The following STXBP6 variants were observed in gnomAD, a reference collection of about 807,000 sequenced individuals.
The protein encoded by STXBP6 is syntaxin binding protein 6.
Under a neutral mutation model 26.9 loss-of-function variants are expected in STXBP6, and 21 were observed. The observed-to-expected ratio is 0.78, with a 90% CI of 0.55 to 1.12. The LOEUF is 1.12. Ranked by LOEUF, STXBP6 falls within the 50% of genes most tolerant of loss-of-function variation. STXBP6 has a pLI of 0.00. For missense variants in STXBP6, 232 were observed against 257.9 expected (o/e 0.90, Z 0.69); for synonymous variants, 97 against 92.6 (o/e 1.05, Z -0.27).
intron 2 of STXBP6, among the ~76,000 whole-genome samples, chr14:24,967,487 T>C (rs1418812238): frequency 1.3e-5 from 2 of 152,244 alleles, no homozygotes; most frequent in Non-Finnish European, 2.9e-5. Context: ...GTTTTACAAA[T>C]GCTTTAATCA....
chr14:24,838,075 T>G (rs1373105507), intron 4 of STXBP6, among the ~76,000 whole-genome samples: 1 of 152,212 alleles, frequency 6.6e-6, no homozygotes, highest in East Asian at 1.9e-4. Flanking sequence ...CTCAGTTGCT[T>G]AGGCTGGAGT....
chr14:24,838,655 GC>G (rs753311935), intron 4 of STXBP6, among the ~76,000 whole-genome samples: 105 of 151,992 alleles, frequency 6.9e-4, no homozygotes, highest in Middle Eastern at 3.4e-3. Flanking sequence ...CTGCACTCCA[GC>G]CTGGGTGACA....
intron 2 of STXBP6, among the ~76,000 whole-genome samples, chr14:24,910,782 G>A (rs950779580): frequency 2.0e-5 from 3 of 152,078 alleles, no homozygotes; most frequent in African/African-American, 7.2e-5. Flanking sequence ...CCACTACCAC[G>A]CAGAATTGCT....
In STXBP6 at chr14:24,819,166, G is replaced by C. The variant is rs774077268; in HGVS notation, c.480C>G (p.Asp160Glu). Residue 160 changes from aspartate (D) to glutamate (E), a missense_variant, in exon 5 of 6, where the codon GAC becomes GAG. Asp to Glu is a conservative substitution (Grantham distance 45, BLOSUM62 2). Transcript: ENST00000323944. ...CCTTCTGCACTGCGCTGGTCACGCT[G>C]TCAGCAGCTGAATGGAGGATGCTGT... ...GGNSILHSAA[D>E]SVTSAVQKAS... is the part of the protein sequence containing the mutation. 1.2e-6 allele frequency: 2 copies of C among 1,614,150 alleles called. No homozygotes were observed.
At position 24,964,394 on chromosome 14, in the gene STXBP6, G is replaced by A. The variant is rs180743346; in HGVS notation, c.154+10271C>T. Among the ~76,000 whole-genome samples the A allele has an allele frequency of 7.2e-5, 11 of 152,260 alleles. No individual in the cohort carries two copies. In the East Asian group the frequency reaches 2.1e-3, roughly 29 times the overall value. On this transcript the variant is annotated intron_variant, in intron 2 of 5. Coordinates refer to ENST00000323944, the MANE Select transcript of STXBP6 (RefSeq NM_001394410.1). ...ACAGCTTGGCAACCTCACTGTGCTT[G>A]TGGCTAATAGTTTCTTCTGGAAAAT...
chr14:24,975,142 A>G (rs1421844204), intron 1 of STXBP6, among the ~76,000 whole-genome samples: 1 of 152,184 alleles, frequency 6.6e-6, no homozygotes, highest in Non-Finnish European at 1.5e-5. Flanking sequence ...TACTACCCCA[A>G]CTGCACCTCC....
chr14:24,854,502 T>A (rs2069258956), intron 4 of STXBP6, among the ~76,000 whole-genome samples: 1 of 152,082 alleles, frequency 6.6e-6, no homozygotes, highest in South Asian at 2.1e-4. Context: ...CATATGGACA[T>A]GGATGAGAAA....
At chr14:25,035,109 C>T (rs1193217580) in intron 1 of STXBP6, among the ~76,000 whole-genome samples, 1 of 151,282 alleles carries the variant, frequency 6.6e-6, no homozygotes, top group African/African-American at 2.4e-5. Flanking sequence ...CAAGATCGCA[C>T]CATTGCACTC....
At chr14:24,933,876 C>A (rs1281627692) in intron 2 of STXBP6, among the ~76,000 whole-genome samples, 1 of 152,056 alleles carries the variant, frequency 6.6e-6, no homozygotes, top group Non-Finnish European at 1.5e-5. Flanking sequence ...AGAAAACTTA[C>A]TTCTATGTAA....
chr14:24,814,146 G>A (rs1298273489), intron 5 of STXBP6, among the ~76,000 whole-genome samples: 1 of 152,192 alleles, frequency 6.6e-6, no homozygotes, highest in Non-Finnish European at 1.5e-5. Context: ...GTCCTGCTGA[G>A]TGATGTGGGT....
At chr14:24,994,357 TC>T (rs1354073509) in intron 1 of STXBP6, among the ~76,000 whole-genome samples, 2 of 152,172 alleles carry the variant, frequency 1.3e-5, no homozygotes, top group Non-Finnish European at 2.9e-5. Context: ...TTGATAAGGC[TC>T]TCAGGGTCCT....
chr14:24,959,024 A>G (rs907207736), intron 2 of STXBP6, among the ~76,000 whole-genome samples: 1 of 152,188 alleles, frequency 6.6e-6, no homozygotes, highest in Non-Finnish European at 1.5e-5. Flanking sequence ...CCCAGTTATA[A>G]TTATCCAGGA....
chr14:24,870,038 C>T (rs537153021), intron 2 of STXBP6, among the ~76,000 whole-genome samples: 1 of 152,172 alleles, frequency 6.6e-6, no homozygotes, highest in African/African-American at 2.4e-5. Flanking sequence ...ACAGGAACAA[C>T]CATTATGTAT....
At chr14:24,827,862 T>G (rs1185395991) in intron 4 of STXBP6, among the ~76,000 whole-genome samples, 1 of 152,100 alleles carries the variant, frequency 6.6e-6, no homozygotes, top group Non-Finnish European at 1.5e-5. Flanking sequence ...TATCTACTGC[T>G]TCACTGTTTC....
chr14:24,905,921 C>T (rs1429249658), intron 2 of STXBP6, among the ~76,000 whole-genome samples: 1 of 152,010 alleles, frequency 6.6e-6, no homozygotes, highest in Non-Finnish European at 1.5e-5. Flanking sequence ...TTGTGGGCCA[C>T]AGAAATCATC....
intron 1 of STXBP6, chr14:24,987,746 G>T: frequency 1.3e-6 from 1 of 750,588 alleles, no homozygotes; most frequent in African/African-American, 1.9e-5. Context: ...AATGGCAAGA[G>T]CCAAGTCAAG....
chr14:25,006,665 T>C (rs543697357), intron 1 of STXBP6, among the ~76,000 whole-genome samples: 1 of 152,004 alleles, frequency 6.6e-6, no homozygotes, highest in South Asian at 2.1e-4. Flanking sequence ...TCACGAGGGG[T>C]TCACGTCCAA....
At chr14:24,949,152 T>C (rs1244333602) in intron 2 of STXBP6, among the ~76,000 whole-genome samples, 1 of 152,186 alleles carries the variant, frequency 6.6e-6, no homozygotes, top group Non-Finnish European at 1.5e-5. Flanking sequence ...ACATTTTATT[T>C]TACAGACAAA....
At chr14:24,825,027 C>T (rs1446203762) in intron 4 of STXBP6, among the ~76,000 whole-genome samples, 1 of 152,148 alleles carries the variant, frequency 6.6e-6, no homozygotes, top group Non-Finnish European at 1.5e-5. Context: ...GGCAAAATGA[C>T]TTCGTGAAAT....
Sources: allele counts gnomAD v4.1 joint callset (sites outside exome capture counted in the v4.1 genomes callset), GRCh38; gene constraint gnomAD v4.1.1; transcripts MANE v1.5; gene names NCBI Gene and HGNC (gene_info 2026-07-23, HGNC 2026-07-21).